ZBTB46: variants seen among roughly 807,000 people sequenced by gnomAD.
ZBTB46 encodes the protein zinc finger and BTB domain-containing protein 46.
ZBTB46 carries 8 observed loss-of-function variants against 44.1 expected under a neutral mutation model. That is an observed-to-expected ratio of 0.18 (90% CI 0.11 to 0.33). ZBTB46 has a LOEUF of 0.33. Among genes scored for constraint, ZBTB46 ranks in the 10% least tolerant of loss-of-function variants. The probability of loss-of-function intolerance (pLI) is 1.00; values close to 1 mark genes in which losing one functional copy is unlikely to be tolerated. For synonymous variants in ZBTB46, 409 were observed against 382.3 expected (o/e 1.07, Z -0.81); for missense variants, 651 against 847.7 (o/e 0.77, Z 2.88).
intron 3 of ZBTB46, chr20:63,775,450 G>C: frequency 2.1e-6 from 1 of 473,876 alleles, no homozygotes; most frequent in Non-Finnish European, 3.6e-6. Context: ...TGCCCGCCGC[G>C]CTCACAACCG....
Position 63,783,738 on chromosome 20 carries a change from C to T in ZBTB46, c.937+6083G>A, listed in dbSNP as rs564452396. Among the ~76,000 whole-genome samples the T allele has an allele frequency of 1.8e-4, 27 of 152,232 alleles. No homozygotes were observed. In the East Asian group the frequency reaches 2.1e-3, roughly 12 times the overall value. On this transcript the variant is annotated intron_variant, in intron 2 of 4. Coordinates refer to ENST00000245663, the MANE Select transcript of ZBTB46 (RefSeq NM_001369741.1). ...CCCGAGCAGCTGTGGGATCGGGGTG[C>T]GGAGCCGGACGCCCTTCCCACCCCA...
At chr20:63,831,714 G>A (rs1320625460), upstream of ZBTB46, among the ~76,000 whole-genome samples, 9 of 150,776 alleles carry the variant, frequency 6.0e-5, no homozygotes, top group African/African-American at 9.7e-5. Context: ...TCCCTTCCCG[G>A]GCCGCGCACC....
intron 1 of ZBTB46, among the ~76,000 whole-genome samples, chr20:63,828,078 G>T (rs114478894): frequency 5.7e-4 from 87 of 152,318 alleles, no homozygotes; most frequent in African/African-American, 2.1e-3. Flanking sequence ...GAGCCACCAC[G>T]CCCAGCCTCA....
chr20:63,809,250 G>A (rs961801268), intron 1 of ZBTB46, among the ~76,000 whole-genome samples: 2 of 151,006 alleles, frequency 1.3e-5, no homozygotes, highest in African/African-American at 2.4e-5. Context: ...CAGCCCTGGG[G>A]GCCCCGCCGT....
intron 3 of ZBTB46, among the ~76,000 whole-genome samples, chr20:63,771,756 G>A (rs889428059): frequency 6.6e-6 from 1 of 152,232 alleles, no homozygotes; most frequent in South Asian, 2.1e-4. Flanking sequence ...CAGTGAGGGA[G>A]GACCACAGAA....
chr20:63,789,426 G>T (rs1157001741), intron 2 of ZBTB46, among the ~76,000 whole-genome samples: 1 of 152,196 alleles, frequency 6.6e-6, no homozygotes. Context: ...CCCAGTCAGG[G>T]CTCATGGGAG....
chr20:63,800,257 C>T (rs955684374), intron 1 of ZBTB46, among the ~76,000 whole-genome samples: 2 of 152,222 alleles, frequency 1.3e-5, no homozygotes. Context: ...CCAAGGAAAG[C>T]GTGTGATTCC....
chr20:63,822,378 C>T (rs1230636569), intron 1 of ZBTB46, among the ~76,000 whole-genome samples: 2 of 152,180 alleles, frequency 1.3e-5, no homozygotes, highest in African/African-American at 4.8e-5. Context: ...ATGAGAAAAG[C>T]CTGGGGTGCT....
At chr20:63,813,864 C>T (rs149276754) in intron 1 of ZBTB46, among the ~76,000 whole-genome samples, 22 of 152,296 alleles carry the variant, frequency 1.4e-4, no homozygotes, top group African/African-American at 5.3e-4. Context: ...TTGCGGGGTG[C>T]CCGGCTGCGT....
At position 63,767,703 on chromosome 20, in the gene ZBTB46, T is replaced by C. The variant is rs2092332002; in HGVS notation, c.1222+7975A>G. 6.6e-6 allele frequency among the ~76,000 whole-genome samples: 1 copy of C among 152,236 alleles called. No individual in the cohort carries two copies. Among genetic ancestry groups the C allele is most frequent in the Non-Finnish European group, 1.5e-5 (1 of 68,038 alleles). On this transcript the variant is annotated intron_variant, in intron 3 of 4. Coordinates refer to ENST00000245663, the MANE Select transcript of ZBTB46 (RefSeq NM_001369741.1). The surrounding 1 kb of genome is among the most constrained non-coding windows in gnomAD (Gnocchi z 5.0). ...CCAGCAGGGGAGGTGCCTTCGCTGC[T>C]GTCACTTGCTTCACAGAGCTCCTTA...
chr20:63,758,295 C>T (rs754912405), intron 3 of ZBTB46, among the ~76,000 whole-genome samples: 16 of 151,178 alleles, frequency 1.1e-4, no homozygotes, highest in Non-Finnish European at 1.9e-4. Context: ...CAACTAGACA[C>T]AGCTCCTATG....
upstream of ZBTB46, among the ~76,000 whole-genome samples, chr20:63,832,201 A>C (rs1282135474): frequency 6.6e-6 from 1 of 151,776 alleles, no homozygotes; most frequent in Non-Finnish European, 1.5e-5. This position sits in a 1 kb window ranked among gnomAD's most constrained non-coding sequence, Gnocchi z 5.0. Flanking sequence ...CGGCGCCCGG[A>C]CTCTGCGCGT....
intron 1 of ZBTB46, among the ~76,000 whole-genome samples, chr20:63,809,727 C>T (rs6011141): frequency 0.18 from 27,261 of 152,062 alleles, 2,967 homozygotes; most frequent in East Asian, 0.45. Flanking sequence ...TGAGGGAAGC[C>T]GGGGCGAGCA....
At chr20:63,819,347 A>G (rs1358490484) in intron 1 of ZBTB46, among the ~76,000 whole-genome samples, 3 of 152,208 alleles carry the variant, frequency 2.0e-5, no homozygotes, top group Admixed American at 1.3e-4. Context: ...TGCTCCCTCC[A>G]GGAGCGCATC....
upstream of ZBTB46, among the ~76,000 whole-genome samples, chr20:63,832,424 C>T (rs983547128): frequency 6.6e-6 from 1 of 152,212 alleles, no homozygotes; most frequent in Non-Finnish European, 1.5e-5. This position sits in a 1 kb window ranked among gnomAD's most constrained non-coding sequence, Gnocchi z 5.0. Flanking sequence ...GTCCAGCCTG[C>T]CTCCCTGCGG....
chr20:63,809,173 C>T (rs6011137), intron 1 of ZBTB46, among the ~76,000 whole-genome samples: 27,108 of 151,886 alleles, frequency 0.18, 2,950 homozygotes, highest in East Asian at 0.45. Flanking sequence ...TGGGCTTGGC[C>T]GAAGTGGGCA....
chr20:63,786,308 A>G (rs1206504485), intron 2 of ZBTB46, among the ~76,000 whole-genome samples: 1 of 152,068 alleles, frequency 6.6e-6, no homozygotes, highest in Non-Finnish European at 1.5e-5. Context: ...TAGAGAAACG[A>G]TTTTCCCAAC....
intron 2 of ZBTB46, among the ~76,000 whole-genome samples, chr20:63,784,986 C>T (rs1268253046): frequency 6.6e-6 from 1 of 152,282 alleles, no homozygotes; most frequent in Non-Finnish European, 1.5e-5. Flanking sequence ...GTCATCCCAG[C>T]ACTTTGGGAG....
intron 3 of ZBTB46, among the ~76,000 whole-genome samples, chr20:63,754,610 T>C (rs2092202759): frequency 6.6e-6 from 1 of 150,572 alleles, no homozygotes; most frequent in Non-Finnish European, 1.5e-5. Context: ...AACAACTTTT[T>C]TTTTTTTTAG....
Sources: gnomAD v4.1 joint callset for allele counts (sites outside exome capture counted in the v4.1 genomes callset) on GRCh38, gnomAD v4.1.1 for gene constraint, Gnocchi (gnomAD v3.1) non-coding constraint, MANE v1.5 for transcripts, NCBI Gene and HGNC (gene_info 2026-07-23, HGNC 2026-07-21) for gene names.